Variants in TNNI3K observed in about 807,000 individuals in gnomAD.
TNNI3K encodes serine/threonine-protein kinase TNNI3K.
In TNNI3K, 140 loss-of-function variants were observed where a neutral mutation model predicts 114.5. The observed-to-expected ratio is 1.22, with a 90% CI of 1.07 to 1.41. The LOEUF (loss-of-function observed/expected upper bound fraction) is 1.41, where lower values mean the gene tolerates loss of function less well. Among genes scored for constraint, TNNI3K ranks in the 40% most tolerant of loss-of-function variants. TNNI3K has a pLI of 0.00. For missense variants in TNNI3K, 1,125 were observed against 1,007.6 expected (o/e 1.12, Z -1.58); for synonymous variants, 347 against 347.5 (o/e 1.00, Z 0.02).
intron 2 of TNNI3K, among the ~76,000 whole-genome samples, chr1:74,237,460 T>C (rs1467984482): frequency 1.3e-5 from 2 of 152,032 alleles, no homozygotes; most frequent in Admixed American, 6.6e-5. Context: ...TATGATTACA[T>C]TGAAGAGATT....
chr1:74,480,726 C>T (rs1458728282), intron 21 of TNNI3K: 2 of 717,472 alleles, frequency 2.8e-6, no homozygotes, highest in East Asian at 2.7e-5. Flanking sequence ...AGCACCAGTA[C>T]CTGCAGGCTG....
At chr1:74,449,847 G>A (rs909307549) in intron 20 of TNNI3K, among the ~76,000 whole-genome samples, 13 of 148,468 alleles carry the variant, frequency 8.8e-5, no homozygotes, top group South Asian at 2.2e-4. Flanking sequence ...ATAGATCAAC[G>A]AGACAGAAAG....
chr1:74,505,164 C>G (rs572409992), intron 23 of TNNI3K, among the ~76,000 whole-genome samples: 63 of 152,240 alleles, frequency 4.1e-4, no homozygotes, highest in African/African-American at 1.4e-3. Context: ...TTGGCAGTTG[C>G]GTGTGTGTAC....
intron 4 of TNNI3K, among the ~76,000 whole-genome samples, chr1:74,251,099 C>T (rs776754436): frequency 3.3e-5 from 5 of 152,252 alleles, no homozygotes; most frequent in Middle Eastern, 3.4e-3. Flanking sequence ...CAAAGCTCCT[C>T]ATCAGAACAC....
intron 16 of TNNI3K, 168 bp downstream of exon 16, chr1:74,369,753 T>C: frequency 1.4e-6 from 1 of 715,828 alleles, no homozygotes; most frequent in South Asian, 5.2e-5. Context: ...TAACTGTGTT[T>C]CAATGAATAG....
At chr1:74,480,674 C>T (rs866742622) in intron 21 of TNNI3K, 2 of 717,194 alleles carry the variant, frequency 2.8e-6, no homozygotes, top group Non-Finnish European at 5.2e-6. Context: ...GCTTGTGTTT[C>T]GGAACCAAGA....
At chr1:74,403,090 G>C (rs976651617) in intron 17 of TNNI3K, among the ~76,000 whole-genome samples, 1 of 151,706 alleles carries the variant, frequency 6.6e-6, no homozygotes, top group Middle Eastern at 3.2e-3. Context: ...CATGTCTCTT[G>C]GTGTGTTCTA....
intron 21 of TNNI3K, among the ~76,000 whole-genome samples, chr1:74,467,352 A>G (rs181726598): frequency 1.0e-3 from 156 of 152,218 alleles, no homozygotes; most frequent in African/African-American, 3.5e-3. Flanking sequence ...TTTCTTGCAT[A>G]TCTGTCTTTA....
intron 5 of TNNI3K, among the ~76,000 whole-genome samples, chr1:74,318,111 G>A (rs956543529): frequency 3.3e-5 from 5 of 152,142 alleles, no homozygotes; most frequent in African/African-American, 9.7e-5. Flanking sequence ...AGGGCTCATC[G>A]AATTTGTTCT....
At chr1:74,384,562 C>T (rs1321351556) in intron 17 of TNNI3K, among the ~76,000 whole-genome samples, 1 of 152,098 alleles carries the variant, frequency 6.6e-6, no homozygotes, top group Non-Finnish European at 1.5e-5. Flanking sequence ...TCACAGGCAA[C>T]ATTTTATTTT....
chr1:74,270,622 C>T (rs939316435), intron 4 of TNNI3K, among the ~76,000 whole-genome samples: 3 of 151,658 alleles, frequency 2.0e-5, no homozygotes, highest in African/African-American at 4.8e-5. Flanking sequence ...AGAAATCAAA[C>T]TTTGCCTTTT....
chr1:74,340,364 G>T (rs1660691447), intron 7 of TNNI3K, among the ~76,000 whole-genome samples: 1 of 152,204 alleles, frequency 6.6e-6, no homozygotes, highest in East Asian at 1.9e-4. Flanking sequence ...AGAGCAAATA[G>T]AATGTTATTC....
At chr1:74,316,540 T>G (rs1359677347) in intron 5 of TNNI3K, among the ~76,000 whole-genome samples, 2 of 152,140 alleles carry the variant, frequency 1.3e-5, no homozygotes, top group Admixed American at 6.5e-5. Context: ...GGACTTTTCT[T>G]CTTTCTCAGT....
At chr1:74,483,042 T>A (rs1468859928) in intron 21 of TNNI3K, among the ~76,000 whole-genome samples, 1 of 152,204 alleles carries the variant, frequency 6.6e-6, no homozygotes, top group Non-Finnish European at 1.5e-5. Flanking sequence ...AATAGCAAAA[T>A]AACTCAGTTA....
At chr1:74,302,354 T>G (rs1658378216) in intron 5 of TNNI3K, among the ~76,000 whole-genome samples, 1 of 152,204 alleles carries the variant, frequency 6.6e-6, no homozygotes, top group African/African-American at 2.4e-5. Flanking sequence ...TGTTAATTAA[T>G]AACTCTACAA....
chr1:74,349,896 A>C (rs1661240152), intron 9 of TNNI3K, among the ~76,000 whole-genome samples: 1 of 151,894 alleles, frequency 6.6e-6, no homozygotes, highest in South Asian at 2.1e-4. Context: ...CGGTCTATCA[A>C]TTTTGTTGAT....
intron 20 of TNNI3K, among the ~76,000 whole-genome samples, chr1:74,443,080 C>T (rs1666449127): frequency 1.3e-5 from 2 of 152,024 alleles, no homozygotes; most frequent in Admixed American, 1.3e-4. Context: ...AAATTGACAT[C>T]CTAACAATTA....
intron 11 of TNNI3K, among the ~76,000 whole-genome samples, chr1:74,358,021 G>T (rs1280937085): frequency 1.3e-5 from 2 of 152,074 alleles, no homozygotes; most frequent in East Asian, 3.9e-4. Context: ...TGAAACTGCC[G>T]AATTGAAAAG....
chr1:74,257,731 C>T (rs1267990687), intron 4 of TNNI3K, among the ~76,000 whole-genome samples: 6 of 126,976 alleles, frequency 4.7e-5, no homozygotes, highest in Middle Eastern at 0.014. Context: ...TGCAGTGGTG[C>T]GATCTTGGCT....
Sources: allele counts gnomAD v4.1 joint callset (sites outside exome capture counted in the v4.1 genomes callset), GRCh38; gene constraint gnomAD v4.1.1; transcripts MANE v1.5; gene names NCBI Gene and HGNC (gene_info 2026-07-23, HGNC 2026-07-21).